Variants in TMEM87A observed in about 807,000 individuals in gnomAD.
TMEM87A encodes the protein transmembrane protein 87A, also known as Golgi-pH regulating cation channel.
A neutral mutation model predicts 90.0 loss-of-function variants in TMEM87A; 50 were observed. The observed-to-expected ratio is 0.56, with a 90% CI of 0.44 to 0.70. The LOEUF (loss-of-function observed/expected upper bound fraction) is 0.70, where lower values mean the gene tolerates loss of function less well. TMEM87A is among the 30% of genes least tolerant of loss of function. The probability of loss-of-function intolerance (pLI) is 0.00; values close to 1 mark genes in which losing one functional copy is unlikely to be tolerated. For synonymous variants in TMEM87A, 226 were observed against 226.7 expected (o/e 1.00, Z 0.03); for missense variants, 577 against 660.5 (o/e 0.87, Z 1.39).
intron 6 of TMEM87A, among the ~76,000 whole-genome samples, chr15:42,255,883 C>T (rs1379705852): frequency 1.3e-5 from 2 of 151,878 alleles, no homozygotes; most frequent in Non-Finnish European, 2.9e-5. Context: ...GATCCTCCCA[C>T]CTCAGCCTCC....
At chr15:42,228,663 A>C (rs1340832931) in intron 13 of TMEM87A, 49 bp downstream of exon 13, 6 of 1,523,916 alleles carry the variant, frequency 3.9e-6, no homozygotes, top group Non-Finnish European at 4.6e-6. Flanking sequence ...AAGAATGTCC[A>C]TTCTAAACAG....
chr15:42,235,901 C>T (rs1055646833), intron 10 of TMEM87A, among the ~76,000 whole-genome samples: 1 of 152,110 alleles, frequency 6.6e-6, no homozygotes, highest in Non-Finnish European at 1.5e-5. Flanking sequence ...AGAACAATGC[C>T]TCAAAGAATG....
chr15:42,213,292 G>T (rs928234413), intron 19 of TMEM87A, among the ~76,000 whole-genome samples: 5 of 152,216 alleles, frequency 3.3e-5, no homozygotes, highest in African/African-American at 4.8e-5. Context: ...GGCCCAGGTT[G>T]GAAGTTGCTG....
At chr15:42,219,557 G>C in intron 17 of TMEM87A, 24 bp downstream of exon 17, 1 of 1,570,680 alleles carries the variant, frequency 6.4e-7, no homozygotes, top group Non-Finnish European at 8.7e-7. Context: ...AAAGAACAAA[G>C]ACAAATGGAA....
In TMEM87A at chr15:42,261,925, C is replaced by T. The variant is rs529566656; in HGVS notation, c.406-676G>A. Among the ~76,000 whole-genome samples the T allele has an allele frequency of 2.6e-5, 4 of 152,314 alleles. No individual in the cohort carries two copies. In the South Asian group the frequency reaches 6.2e-4, roughly 24 times the overall value. On this transcript the variant is annotated intron_variant, in intron 4 of 19. Coordinates refer to ENST00000389834, the MANE Select transcript of TMEM87A (RefSeq NM_015497.5). ...CTGGGACTACAGGCGTGAGCCACCG[C>T]GCCCGGCCTAAACCTAATATTCTTG...
intron 12 of TMEM87A, among the ~76,000 whole-genome samples, chr15:42,229,824 T>C (rs2140931791): frequency 6.6e-6 from 1 of 152,202 alleles, no homozygotes; most frequent in East Asian, 1.9e-4. Context: ...TGCTCTCACG[T>C]TCAATGTTCT....
At chr15:42,262,839 A>G (rs2051322667) in intron 4 of TMEM87A, among the ~76,000 whole-genome samples, 1 of 152,252 alleles carries the variant, frequency 6.6e-6, no homozygotes, top group Admixed American at 6.5e-5. Context: ...ACAAGTATAG[A>G]TGATAATTAC....
chr15:42,251,453 G>A (rs2051083931), intron 6 of TMEM87A, among the ~76,000 whole-genome samples: 1 of 152,142 alleles, frequency 6.6e-6, no homozygotes, highest in South Asian at 2.1e-4. Context: ...TATTGATGTT[G>A]ATGTTATTCT....
chr15:42,249,650 T>C (rs1425227793), intron 6 of TMEM87A, among the ~76,000 whole-genome samples: 1 of 151,924 alleles, frequency 6.6e-6, no homozygotes, highest in South Asian at 2.1e-4. Context: ...TGAGAGACGG[T>C]TGTGACTTCT....
At chr15:42,231,906 A>G (rs16972896) in intron 11 of TMEM87A, 32,787 of 1,275,170 alleles carry the variant, frequency 0.026, 500 homozygotes, top group Non-Finnish European at 0.03. Flanking sequence ...GTCAAGGGAT[A>G]AGAAAAATAC....
At chr15:42,213,874 AGAT>A (rs2050336966) in intron 19 of TMEM87A, among the ~76,000 whole-genome samples, 1 of 152,220 alleles carries the variant, frequency 6.6e-6, no homozygotes, top group African/African-American at 2.4e-5. Context: ...CAAAGGAAGA[AGAT>A]AAATCTCTGG....
chr15:42,253,786 G>A (rs1315407704), intron 6 of TMEM87A, among the ~76,000 whole-genome samples: 1 of 152,186 alleles, frequency 6.6e-6, no homozygotes, highest in Non-Finnish European at 1.5e-5. Flanking sequence ...TGTGAAAGCT[G>A]AATGTGATAG....
chr15:42,213,916 G>T (rs1438793397), intron 19 of TMEM87A, among the ~76,000 whole-genome samples: 9 of 152,104 alleles, frequency 5.9e-5, no homozygotes, highest in Non-Finnish European at 5.9e-5. Context: ...CAGAGGTATA[G>T]GAATTATTTG....
intron 6 of TMEM87A, chr15:42,258,887 C>A (rs531224222): frequency 1.3e-6 from 2 of 1,496,040 alleles, no homozygotes; most frequent in African/African-American, 2.8e-5. Flanking sequence ...ATAAAAGCAA[C>A]GAAAACACTG....
intron 11 of TMEM87A, among the ~76,000 whole-genome samples, chr15:42,232,113 A>AATATTGAATCT (rs1267700890): frequency 2.6e-5 from 4 of 152,242 alleles, no homozygotes; most frequent in African/African-American, 7.2e-5. Flanking sequence ...TAGTTTTTAC[A>AATATTGAATCT]ATATTGAATC....
In TMEM87A at chr15:42,217,819, A is replaced by G; in HGVS notation, c.1610T>C (p.Leu537Pro). 6.2e-7 allele frequency: 1 copy of G among 1,613,034 alleles called. No homozygotes were observed. The highest frequency in any genetic ancestry group is 8.5e-7 in the Non-Finnish European group (1 of 1,179,730). Residue 537 changes from leucine to proline, a missense_variant, in exon 19 of 20, where the codon CTT becomes CCT. Transcript: ENST00000389834. The part of the protein sequence containing the change: ...SSVTDVALPA[L>P]LDSDEERMIT... Reference sequence around the variant, plus strand: ...AGTACCAACCTCATCTGAATCCAGAAGGGCTGGAAGTGCTCTGCAAAGAGA... The same window carrying G: ...AGTACCAACCTCATCTGAATCCAGAGGGGCTGGAAGTGCTCTGCAAAGAGA...
chr15:42,273,549 A>T, upstream of TMEM87A: 1 of 1,358,538 alleles, frequency 7.4e-7, no homozygotes, highest in Non-Finnish European at 9.8e-7. Flanking sequence ...CCTCTCTCAG[A>T]CAGTCGTCTG....
At chr15:42,258,687 A>G (rs1432988030) in intron 6 of TMEM87A, 174 of 1,196,986 alleles carry the variant, frequency 1.5e-4, no homozygotes, top group Non-Finnish European at 1.7e-4. Context: ...TTGGCCTCCC[A>G]AAGTGTTGGC....
intron 2 of TMEM87A, among the ~76,000 whole-genome samples, chr15:42,271,775 TGTA>T (rs1460770233): frequency 6.6e-6 from 1 of 151,410 alleles, no homozygotes; most frequent in Non-Finnish European, 1.5e-5. Context: ...GAATATTCAA[TGTA>T]GTATATACAG....
Sources: gnomAD v4.1 joint callset for allele counts (sites outside exome capture counted in the v4.1 genomes callset) on GRCh38, gnomAD v4.1.1 for gene constraint, MANE v1.5 for transcripts, NCBI Gene and HGNC (gene_info 2026-07-23, HGNC 2026-07-21) for gene names.